Variants in PCNX1 observed in about 807,000 individuals in gnomAD.
The protein encoded by PCNX1 is pecanex-like protein 1.
In PCNX1, 78 loss-of-function variants were observed where a neutral mutation model predicts 242.2. The ratio of observed to expected loss-of-function variants is 0.32; its 90% CI spans 0.27 to 0.39. The LOEUF is 0.39. Among genes scored for constraint, PCNX1 ranks in the 10% least tolerant of loss-of-function variants. The probability of loss-of-function intolerance (pLI) is 1.00; values close to 1 mark genes in which losing one functional copy is unlikely to be tolerated. For synonymous variants in PCNX1, 1,024 were observed against 1,032.9 expected, an observed-to-expected ratio of 0.99 and a Z score of 0.17; for missense variants, 2,581 against 2,856.5, an observed-to-expected ratio of 0.90 and a Z score of 2.20.
intron 19 of PCNX1, among the ~76,000 whole-genome samples, chr14:71,040,765 TA>T (rs1595348513): frequency 1.3e-5 from 2 of 152,270 alleles, no homozygotes; most frequent in South Asian, 2.1e-4. Flanking sequence ...TATCAAATAC[TA>T]GATCTTGTTC....
chr14:71,018,211 A>C (rs1015861697), intron 11 of PCNX1, among the ~76,000 whole-genome samples: 1 of 152,100 alleles, frequency 6.6e-6, no homozygotes, highest in Non-Finnish European at 1.5e-5. Flanking sequence ...TAGTCTTTAA[A>C]AATATGATTT....
At chr14:70,972,062 C>A (rs1351590775) in intron 5 of PCNX1, among the ~76,000 whole-genome samples, 1 of 152,214 alleles carries the variant, frequency 6.6e-6, no homozygotes, top group African/African-American at 2.4e-5. Flanking sequence ...TGCAGCAATC[C>A]AGAACACAGA....
chr14:70,926,482 C>T (rs1348056612), intron 1 of PCNX1, among the ~76,000 whole-genome samples: 1 of 152,170 alleles, frequency 6.6e-6, no homozygotes, highest in African/African-American at 2.4e-5. Context: ...GCACTTGCTG[C>T]CAATTGGCTG....
intron 1 of PCNX1, among the ~76,000 whole-genome samples, chr14:70,925,606 G>T (rs1412214812): frequency 8.3e-6 from 1 of 121,062 alleles, no homozygotes. Flanking sequence ...GCTCATCTTT[G>T]GTTGCCCTGA....
intron 16 of PCNX1, chr14:71,032,060 G>C: frequency 1.4e-6 from 1 of 702,098 alleles, no homozygotes; most frequent in South Asian, 1.6e-5. Context: ...AATAGACAAA[G>C]AAGAAGAGAG....
intron 27 of PCNX1, among the ~76,000 whole-genome samples, chr14:71,075,590 A>C (rs1459583224): frequency 6.6e-6 from 1 of 152,140 alleles, no homozygotes; most frequent in African/African-American, 2.4e-5. Flanking sequence ...TCCTAAGTTC[A>C]AAATCTGTAA....
chr14:70,926,071 G>A (rs2056580507), intron 1 of PCNX1, among the ~76,000 whole-genome samples: 1 of 152,054 alleles, frequency 6.6e-6, no homozygotes, highest in Admixed American at 6.6e-5. Flanking sequence ...CCTTAATCTT[G>A]GCTCTCCTTC....
chr14:71,001,213 A>C (rs982580557), intron 8 of PCNX1, among the ~76,000 whole-genome samples: 2 of 152,194 alleles, frequency 1.3e-5, no homozygotes, highest in Admixed American at 6.5e-5. Flanking sequence ...ATTGCAGTGA[A>C]CACTGTGCTG....
intron 2 of PCNX1, among the ~76,000 whole-genome samples, chr14:70,951,502 G>A (rs572375521): frequency 5.3e-5 from 8 of 152,136 alleles, no homozygotes; most frequent in African/African-American, 1.7e-4. Context: ...AGCCTCCCAA[G>A]TAGCTGGGAT....
rs375721300 is a variant in PCNX1, at chr14:71,088,953, T to C, written c.5439-239T>C. Among the ~76,000 whole-genome samples, 26 of 152,382 alleles carry C rather than the reference T, an allele frequency of 1.7e-4. No homozygotes were observed. In the East Asian group the frequency reaches 3.3e-3, roughly 19 times the overall value. On this transcript the variant is annotated intron_variant, in intron 29 of 35. Transcript: ENST00000304743. ...GCTTTTCTTAGTTTATTTTAACTTA[T>C]AGGCTCTTTGCCTGTTGTTTATTTT...
At chr14:70,950,357 T>C (rs992308455) in intron 2 of PCNX1, among the ~76,000 whole-genome samples, 1 of 152,178 alleles carries the variant, frequency 6.6e-6, no homozygotes, top group African/African-American at 2.4e-5. Context: ...TTCTGTGATA[T>C]TATGTTTAAT....
At chr14:71,105,895 A>G (rs1312983234) in intron 33 of PCNX1, among the ~76,000 whole-genome samples, 1 of 148,236 alleles carries the variant, frequency 6.7e-6, no homozygotes, top group Non-Finnish European at 1.5e-5. Context: ...TGTTCATATT[A>G]TTTTATATAT....
chr14:70,988,417 A>T, intron 6 of PCNX1, 150 bp from the exon 7 acceptor site: 1 of 598,672 alleles, frequency 1.7e-6, no homozygotes, highest in Non-Finnish European at 2.8e-6. Flanking sequence ...ATTACCTGAT[A>T]TGATAGATTG....
At chr14:70,952,011 G>A (rs2057802269) in intron 2 of PCNX1, among the ~76,000 whole-genome samples, 1 of 152,160 alleles carries the variant, frequency 6.6e-6, no homozygotes, top group Non-Finnish European at 1.5e-5. Context: ...TTCACACTCA[G>A]TCAGTCAAGG....
At chr14:71,025,847 C>T (rs922144322) in intron 13 of PCNX1, among the ~76,000 whole-genome samples, 5 of 152,160 alleles carry the variant, frequency 3.3e-5, no homozygotes, top group African/African-American at 1.2e-4. Flanking sequence ...CCAGTCTGGG[C>T]GACAGAGTGA....
chr14:70,952,417 T>G (rs770884798), intron 2 of PCNX1, among the ~76,000 whole-genome samples: 1 of 152,194 alleles, frequency 6.6e-6, no homozygotes, highest in Non-Finnish European at 1.5e-5. Flanking sequence ...TCATTCCACT[T>G]TTCCCTTCAG....
intron 1 of PCNX1, among the ~76,000 whole-genome samples, chr14:70,945,978 C>A (rs117469532): frequency 2.0e-4 from 30 of 152,270 alleles, no homozygotes; most frequent in Non-Finnish European, 4.3e-4. Flanking sequence ...GTTGTATTAC[C>A]TCTGCCAGTA....
At chr14:70,961,127 C>G (rs1182685830) in intron 2 of PCNX1, among the ~76,000 whole-genome samples, 29 of 152,208 alleles carry the variant, frequency 1.9e-4, no homozygotes, top group African/African-American at 4.3e-4. Flanking sequence ...TCCCCATCAA[C>G]CTACCAATGA....
intron 30 of PCNX1, among the ~76,000 whole-genome samples, chr14:71,094,287 T>C (rs545233180): frequency 6.6e-6 from 1 of 152,322 alleles, no homozygotes; most frequent in African/African-American, 2.4e-5. Context: ...ACTTGAAGTT[T>C]AGAGAGTAAA....
Sources: gnomAD v4.1 joint callset for allele counts (sites outside exome capture counted in the v4.1 genomes callset) on GRCh38, gnomAD v4.1.1 for gene constraint, MANE v1.5 for transcripts, NCBI Gene and HGNC (gene_info 2026-07-23, HGNC 2026-07-21) for gene names.